Variants in CBX7 observed in about 807,000 individuals in gnomAD.
CBX7 encodes chromobox 7.
CBX7 carries 14 observed loss-of-function variants against 31.4 expected under a neutral mutation model. The ratio of observed to expected loss-of-function variants is 0.45; its 90% CI spans 0.29 to 0.70. The LOEUF (loss-of-function observed/expected upper bound fraction) is 0.70. Among genes scored for constraint, CBX7 ranks in the 30% least tolerant of loss-of-function variants. The probability of loss-of-function intolerance (pLI) is 0.11; values close to 1 mark genes in which losing one functional copy is unlikely to be tolerated. For missense variants in CBX7, 269 were observed against 351.9 expected (o/e 0.76, Z 1.89); for synonymous variants, 159 against 152.6 (o/e 1.04, Z -0.31).
chr22:39,143,745 C>T (rs902193927), intron 2 of CBX7, among the ~76,000 whole-genome samples: 2 of 152,180 alleles, frequency 1.3e-5, no homozygotes, highest in African/African-American at 4.8e-5. Flanking sequence ...ACCTTTTCTA[C>T]GTTTGGATGT....
At chr22:39,142,260 G>A (rs1007264956) in intron 2 of CBX7, among the ~76,000 whole-genome samples, 6 of 152,242 alleles carry the variant, frequency 3.9e-5, no homozygotes, top group South Asian at 2.1e-4. Flanking sequence ...CTGATGTGTC[G>A]TCAGCGCACT....
chr22:39,145,716 C>T (rs192777317), intron 2 of CBX7, among the ~76,000 whole-genome samples: 1 of 143,020 alleles, frequency 7.0e-6, no homozygotes, highest in East Asian at 2.2e-4. Flanking sequence ...ACCGGCAAAC[C>T]GAGGGGGCGG....
chr22:39,152,169 A>T lies in CBX7; in HGVS notation c.69+207T>A, dbSNP rs1569113890. Among the ~76,000 whole-genome samples, 1 of 152,056 alleles carries T rather than the reference A, an allele frequency of 6.6e-6. No individual in the cohort carries two copies. The highest frequency in any genetic ancestry group is 2.4e-5 in the African/African-American group (1 of 41,420). On this transcript the variant is annotated intron_variant, in intron 1 of 5. Transcript: ENST00000216133. This position sits in a 1 kb window ranked among gnomAD's most constrained non-coding sequence, Gnocchi z 4.9. ...AGCTCAGGCAGGCTCGGCCGCCACT[A>T]GCATCCTGGAGCGACAACTTTTGTT...
rs979513231 is a variant in CBX7 at position 39,152,272 on chromosome 22, C to A, written c.69+104G>T. 3.1e-6 allele frequency: 2 copies of A among 643,556 alleles called. No individual in the cohort carries two copies. Among genetic ancestry groups the A allele is most frequent in the Non-Finnish European group, 4.3e-6 (2 of 468,314 alleles). 39.9% of individuals were successfully genotyped at this position (643,556 alleles called of 1,614,324 possible). A position where few individuals can be genotyped will look rare whatever the true frequency, so the allele number is the denominator to read the frequency against. The stretch of plus-strand genomic sequence containing the variant: ...GCCCAGCAGCGCAGGGCTGCCGGGG[C>A]CCCCGCGCCCCGCTTTCCCCTTCAG... On this transcript the variant is annotated intron_variant, in intron 1 of 5. Transcript: ENST00000216133. This position sits in a 1 kb window ranked among gnomAD's most constrained non-coding sequence, Gnocchi z 4.9.
chr22:39,148,246 C>T (rs1371686919), intron 2 of CBX7: 4 of 152,280 alleles, frequency 2.6e-5, no homozygotes, highest in Non-Finnish European at 5.9e-5. Context: ...GGCCTCTGCT[C>T]TGGGAGCCTC....
In CBX7 at chr22:39,136,091, GAA is replaced by G. The variant is rs926759863; in HGVS notation, c.247-1341_247-1340del. ...GGCGACAGAGCGAGACTCTGTCTGGGAAAAAAAAAAAAAAAAAAAAAGAAGCC... is the reference window on the plus strand; with the variant it reads ...GGCGACAGAGCGAGACTCTGTCTGGGAAAAAAAAAAAAAAAAAAAGAAGCC... On this transcript the variant is annotated intron_variant, in intron 4 of 5. Transcript: ENST00000216133. 3.7e-4 allele frequency: 40 copies of G among 107,458 alleles called. 1 individual carries two copies. Among genetic ancestry groups the G allele is most frequent in the African/African-American group, 6.9e-4 (21 of 30,480 alleles). The allele number at this position is 107,458 out of a possible 1,614,324, so 6.7% of individuals were successfully genotyped here.
rs148239035 is a variant in CBX7, at chr22:39,142,811, G to GTA, written c.114-1377_114-1376dup. 6.4e-3 allele frequency among the ~76,000 whole-genome samples: 973 copies of GTA among 152,170 alleles called. 9 individuals carry two copies. The highest frequency in any genetic ancestry group is 0.022 in the African/African-American group (921 of 41,514). On this transcript the variant is annotated intron_variant, in intron 2 of 5. Coordinates refer to ENST00000216133, the MANE Select transcript of CBX7 (RefSeq NM_175709.5). ...TTTCTGTCCGTGACGGCCTGCGCAT[G>GTA]TAATGGTGGACCCATAAAATTACAA...
At chr22:39,149,382 CT>C in intron 2 of CBX7, 1 of 231,678 alleles carries the variant, frequency 4.3e-6, no homozygotes, top group Non-Finnish European at 8.5e-6. Context: ...GGCTCTGCCC[CT>C]GGCCACACAG....
Position 39,134,719 on chromosome 22 carries a change from T to C in CBX7, c.280A>G (p.Lys94Glu). ...CAGAGCTTCTCCTTGCCCTTGGCCTTGTGGGAGCTCCGCAGGTCCATGCTG... is the reference window on the plus strand; with the variant it reads ...CAGAGCTTCTCCTTGCCCTTGGCCTCGTGGGAGCTCCGCAGGTCCATGCTG... The part of the protein sequence containing the change: ...LYSMDLRSSH[K>E]AKGKEKLCFS... The change falls in exon 5 of 6, where the codon AAG becomes GAG. Residue 94 changes from lysine to glutamate, a missense_variant. This residue lies in a region of CBX7 where 222 missense variants were observed against 240.4 expected (regional missense o/e 0.92). Transcript: ENST00000216133. 1 of 1,566,788 alleles carries C rather than the reference T, an allele frequency of 6.4e-7. No homozygotes were observed. The highest frequency in any genetic ancestry group is 8.7e-7 in the Non-Finnish European group (1 of 1,154,222).
Position 39,149,781 on chromosome 22 carries a change from G to A in CBX7, c.113+8C>T, listed in dbSNP as rs1175930711. 1 of 1,613,642 alleles carries A rather than the reference G, an allele frequency of 6.2e-7. No individual in the cohort carries two copies. The highest frequency in any genetic ancestry group is 2.2e-5 in the East Asian group (1 of 44,892). On this transcript the variant is annotated splice_region_variant and intron_variant, in intron 2 of 5. Coordinates refer to ENST00000216133, the MANE Select transcript of CBX7 (RefSeq NM_175709.5). ...GACAGACAGACACACACACATGAAGGAGCTTACTTTGGGGGCCATCCTTTC... is the reference window on the plus strand; with the variant it reads ...GACAGACAGACACACACACATGAAGAAGCTTACTTTGGGGGCCATCCTTTC...
At chr22:39,151,125 G>A (rs1350467593) in intron 1 of CBX7, among the ~76,000 whole-genome samples, 1 of 152,222 alleles carries the variant, frequency 6.6e-6, no homozygotes, top group African/African-American at 2.4e-5. Context: ...CTACCCTGCG[G>A]GCTCCATCGT....
rs747215924 is a variant in CBX7, at chr22:39,134,502, T to C, written c.497A>G (p.His166Arg). 1 of 1,612,082 alleles carries C rather than the reference T, an allele frequency of 6.2e-7. No individual in the cohort carries two copies. Among genetic ancestry groups the C allele is most frequent in the South Asian group, 1.1e-5 (1 of 91,044 alleles). Reference protein sequence around the residue: ...FPPRGPNLESHSHRRELFLQE... With the variant: ...FPPRGPNLESRSHRRELFLQE... ...CAGGAAGAGCTCCCGTCGATGGCTG[T>C]GGCTCTCCAGGTTGGGCCCGCGGGG... is the stretch of plus-strand genomic sequence containing the variant. Residue 166 changes from histidine (H) to arginine (R), a missense_variant, in exon 5 of 6, where the codon CAC becomes CGC. By Grantham distance (29) the His-to-Arg change is conservative (BLOSUM62 0). Coordinates refer to ENST00000216133, the MANE Select transcript of CBX7 (RefSeq NM_175709.5).
intron 2 of CBX7, chr22:39,147,619 G>A (rs1187698973): frequency 5.9e-5 from 9 of 151,748 alleles, no homozygotes; most frequent in African/African-American, 1.5e-4. Flanking sequence ...CCCCCAGAGT[G>A]AACCTCTGTT....
intron 2 of CBX7, 153 bp downstream of exon 2, chr22:39,149,636 G>C (rs1404392238): frequency 2.9e-6 from 2 of 696,754 alleles, no homozygotes; most frequent in Non-Finnish European, 5.1e-6. Flanking sequence ...GGAAACTGAG[G>C]CCCAGAGAAG....
At chr22:39,139,473 C>T (rs1030077265) in intron 3 of CBX7, among the ~76,000 whole-genome samples, 3 of 151,796 alleles carry the variant, frequency 2.0e-5, no homozygotes, top group African/African-American at 4.8e-5. Context: ...GAGGCTGAGG[C>T]GGGCAGATTA....
chr22:39,137,200 A>G (rs1930284927), intron 4 of CBX7, among the ~76,000 whole-genome samples: 1 of 152,136 alleles, frequency 6.6e-6, no homozygotes, highest in Non-Finnish European at 1.5e-5. Flanking sequence ...ATTTTGGAAT[A>G]TTTGCATTAT....
Position 39,133,721 on chromosome 22 carries a change from C to G in CBX7, c.*170G>C, listed in dbSNP as rs1348712486. 6.4e-6 allele frequency: 4 copies of G among 622,538 alleles called. No homozygotes were observed. Among genetic ancestry groups the G allele is most frequent in the South Asian group, 5.6e-5 (2 of 35,972 alleles). 38.6% of individuals were successfully genotyped at this position (622,538 alleles called of 1,614,324 possible). A position where few individuals can be genotyped will look rare whatever the true frequency, so the allele number is the denominator to read the frequency against. On this transcript the variant is annotated 3_prime_UTR_variant, in exon 6 of 6. Transcript: ENST00000216133. ...CCCCAGCCTGAGGCCTCGTGGTAAA[C>G]GTCCCTCAGAGAAAGGGCAGGTGGT... is the stretch of plus-strand genomic sequence containing the variant.
chr22:39,139,378 A>G (rs1930366562), intron 3 of CBX7, among the ~76,000 whole-genome samples: 1 of 152,130 alleles, frequency 6.6e-6, no homozygotes, highest in African/African-American at 2.4e-5. Context: ...TAAGCTCAGG[A>G]GTTTGAGACC....
intron 2 of CBX7, among the ~76,000 whole-genome samples, chr22:39,145,458 G>A (rs931960030): frequency 3.3e-5 from 5 of 152,130 alleles, no homozygotes; most frequent in African/African-American, 1.2e-4. Context: ...GCGGGCTCCC[G>A]CAAGTCCCAG....
Sources: gnomAD v4.1 joint callset for allele counts (sites outside exome capture counted in the v4.1 genomes callset) on GRCh38, gnomAD v4.1.1 for gene constraint, gnomAD v4.1.1 regional missense constraint, Gnocchi (gnomAD v3.1) non-coding constraint, MANE v1.5 for transcripts, NCBI Gene and HGNC (gene_info 2026-07-23, HGNC 2026-07-21) for gene names.